THRB: variants seen among roughly 807,000 people sequenced by gnomAD.
THRB encodes the protein nuclear receptor subfamily 1 group A member 2.
THRB carries 12 observed loss-of-function variants against 47.8 expected under a neutral mutation model. That is an observed-to-expected ratio of 0.25 (90% CI 0.16 to 0.41). The LOEUF (loss-of-function observed/expected upper bound fraction) is 0.41, where lower values mean the gene tolerates loss of function less well. Among genes scored for constraint, THRB ranks in the 10% least tolerant of loss-of-function variants. The probability of loss-of-function intolerance (pLI) is 1.00; values close to 1 mark genes in which losing one functional copy is unlikely to be tolerated. For synonymous variants in THRB, 218 were observed against 212.2 expected (o/e 1.03, Z -0.24); for missense variants, 348 against 589.2 (o/e 0.59, Z 4.24).
Position 24,117,419 on chromosome 3 carries a change from C to T in THRB, c.*5465G>A, listed in dbSNP as rs929773423. 8 of 152,282 alleles carry T rather than the reference C, an allele frequency of 5.3e-5. No individual in the cohort carries two copies. The highest frequency in any genetic ancestry group is 1.7e-4 in the African/African-American group (7 of 41,458). The allele number at this position is 152,282 out of a possible 1,614,324, so 9.4% of individuals were successfully genotyped here. ...AGCTGACTGTCCCTCTTTCCCCTCACCCAGTTCCAGGATTCCTGAGGATAA... is the reference window on the plus strand; with the variant it reads ...AGCTGACTGTCCCTCTTTCCCCTCATCCAGTTCCAGGATTCCTGAGGATAA... On this transcript the variant is annotated 3_prime_UTR_variant, in exon 11 of 11. Coordinates refer to ENST00000646209, the MANE Select transcript of THRB (RefSeq NM_001354712.2).
At chr3:24,148,007 G>A (rs535643221) in intron 6 of THRB, among the ~76,000 whole-genome samples, 1 of 152,134 alleles carries the variant, frequency 6.6e-6, no homozygotes, top group Non-Finnish European at 1.5e-5. Flanking sequence ...AAATTTTACT[G>A]TATTACTTGA....
At chr3:24,338,099 A>AT (rs2062384563) in intron 1 of THRB, among the ~76,000 whole-genome samples, 1 of 152,200 alleles carries the variant, frequency 6.6e-6, no homozygotes, top group African/African-American at 2.4e-5. Context: ...TAACGTAGAA[A>AT]TTTTAGAAAA....
chr3:24,230,582 C>G (rs949897949), intron 3 of THRB, among the ~76,000 whole-genome samples: 34 of 152,146 alleles, frequency 2.2e-4, no homozygotes, highest in African/African-American at 6.5e-4. Context: ...GCACCAAGTT[C>G]TGAGCTGCTG....
At position 24,373,278 on chromosome 3, in the gene THRB, A is replaced by G. The variant is rs2065045151; in HGVS notation, c.-260-35907T>C. 2.0e-5 allele frequency among the ~76,000 whole-genome samples: 3 copies of G among 152,128 alleles called. No individual in the cohort carries two copies. In the South Asian group the frequency reaches 6.2e-4, roughly 31 times the overall value. Reference sequence around the variant, plus strand: ...GCTGCTCTTTTCTCACGATCTGGAGAGATAATGTATGTGCAAACACACTGA... The same window carrying G: ...GCTGCTCTTTTCTCACGATCTGGAGGGATAATGTATGTGCAAACACACTGA... On this transcript the variant is annotated intron_variant, in intron 1 of 10. Transcript: ENST00000646209.
chr3:24,408,409 T>C (rs1290944573), intron 1 of THRB, among the ~76,000 whole-genome samples: 2 of 151,856 alleles, frequency 1.3e-5, no homozygotes, highest in East Asian at 3.9e-4. Context: ...TATTGTACCA[T>C]TCTGCTGTTG....
chr3:24,319,604 G>T (rs959892844), intron 2 of THRB, among the ~76,000 whole-genome samples: 7 of 152,214 alleles, frequency 4.6e-5, no homozygotes, highest in African/African-American at 1.7e-4. Flanking sequence ...GCAAACTTCA[G>T]TGTTGCTGGA....
intron 2 of THRB, among the ~76,000 whole-genome samples, chr3:24,301,239 G>T (rs541337535): frequency 2.6e-5 from 4 of 152,246 alleles, no homozygotes; most frequent in African/African-American, 9.6e-5. Flanking sequence ...TATTCCTGTT[G>T]TTTTAAACCA....
rs760386761 is a variant in THRB, at chr3:24,121,551, C to T, written c.*1333G>A. 1.3e-5 allele frequency: 2 copies of T among 152,600 alleles called. No homozygotes were observed. The highest frequency in any genetic ancestry group is 1.3e-4 in the Admixed American group (2 of 15,274). The allele number at this position is 152,600 out of a possible 1,614,324, so 9.5% of individuals were successfully genotyped here. On this transcript the variant is annotated 3_prime_UTR_variant, in exon 11 of 11. Transcript: ENST00000646209. ...TCACTGTTTGTTTTCTGGGCACAAG[C>T]TATTCTAGCATGGGCCGTTGGGGAG...
chr3:24,245,514 A>G (rs2050022170), intron 3 of THRB, among the ~76,000 whole-genome samples: 2 of 152,188 alleles, frequency 1.3e-5, no homozygotes, highest in Admixed American at 1.3e-4. Flanking sequence ...TGAAAGGGAA[A>G]GAATAACAAA....
At chr3:24,440,103 G>A (rs553880745) in intron 1 of THRB, among the ~76,000 whole-genome samples, 97 of 152,134 alleles carry the variant, frequency 6.4e-4, no homozygotes, top group African/African-American at 2.1e-3. Flanking sequence ...ATATATATTC[G>A]CATGTGCTGT....
intron 1 of THRB, among the ~76,000 whole-genome samples, chr3:24,384,880 G>A (rs941954436): frequency 2.0e-5 from 3 of 152,102 alleles, no homozygotes; most frequent in Admixed American, 6.6e-5. Flanking sequence ...TAGCCTCCTG[G>A]GTTTTGGAAA....
intron 1 of THRB, among the ~76,000 whole-genome samples, chr3:24,414,066 A>G (rs1294860356): frequency 6.6e-6 from 1 of 151,910 alleles, no homozygotes; most frequent in Non-Finnish European, 1.5e-5. Context: ...AGATATATAG[A>G]GAGTAGCAAT....
intron 10 of THRB, among the ~76,000 whole-genome samples, chr3:24,126,976 T>C (rs1487162270): frequency 6.6e-6 from 1 of 152,234 alleles, no homozygotes; most frequent in African/African-American, 2.4e-5. Flanking sequence ...GAGGGAGGCC[T>C]GAACCAGTGT....
chr3:24,368,564 G>A (rs896157262), intron 1 of THRB, among the ~76,000 whole-genome samples: 1 of 152,198 alleles, frequency 6.6e-6, no homozygotes, highest in Non-Finnish European at 1.5e-5. Context: ...TCTTTTGGGT[G>A]CGACAACTAG....
rs186472072 is a variant in THRB at position 24,437,035 on chromosome 3, C to A, written c.-261+57617G>T. Reference sequence around the variant, plus strand: ...CAATCAAATGTGCATGGACCTGGCACTTTTCTCCATTATCATAAAAATGTG... The same window carrying A: ...CAATCAAATGTGCATGGACCTGGCAATTTTCTCCATTATCATAAAAATGTG... On this transcript the variant is annotated intron_variant, in intron 1 of 10. Coordinates refer to ENST00000646209, the MANE Select transcript of THRB (RefSeq NM_001354712.2). Among the ~76,000 whole-genome samples, 870 of 151,296 alleles carry A rather than the reference C, an allele frequency of 5.8e-3. 10 individuals are homozygous for A. Among genetic ancestry groups the A allele is most frequent in the African/African-American group, 0.02 (828 of 41,268 alleles).
At position 24,368,592 on chromosome 3, in the gene THRB, G is replaced by A. The variant is rs147162965; in HGVS notation, c.-260-31221C>T. On this transcript the variant is annotated intron_variant, in intron 1 of 10. Transcript: ENST00000646209. ...ACAACTAGCATCAGTTGAAATAACC[G>A]CAGAATAAAATGGTCTGTTTTTGCC... Among the ~76,000 whole-genome samples, 184 of 152,250 alleles carry A rather than the reference G, an allele frequency of 1.2e-3. 2 individuals are homozygous for A. The highest frequency in any genetic ancestry group is 6.8e-3 in the Middle Eastern group (2 of 294).
chr3:24,331,943 C>T (rs1471145709), intron 2 of THRB, among the ~76,000 whole-genome samples: 1 of 152,192 alleles, frequency 6.6e-6, no homozygotes, highest in Non-Finnish European at 1.5e-5. Context: ...CTTGACCATT[C>T]CTCTCCGTAC....
chr3:24,390,797 A>AAATATATAT lies in THRB; in HGVS notation c.-260-53427_-260-53426insATATATATT, dbSNP rs5847290. Among the ~76,000 whole-genome samples the AAATATATAT allele has an allele frequency of 2.6e-3, 353 of 137,840 alleles. 3 individuals are homozygous for AAATATATAT. Among genetic ancestry groups the AAATATATAT allele is most frequent in the African/African-American group, 8.9e-3 (329 of 37,038 alleles). 90.4% of individuals were successfully genotyped at this position (137,840 alleles called of 152,430 possible). A position where few individuals can be genotyped will look rare whatever the true frequency, so the allele number is the denominator to read the frequency against. On this transcript the variant is annotated intron_variant, in intron 1 of 10. Transcript: ENST00000646209. Reference sequence around the variant, plus strand: ...ATCTTTACTTTGTAAAAAAAAAAAAAATATATATATATATATAATATTATT... The same window carrying AAATATATAT: ...ATCTTTACTTTGTAAAAAAAAAAAAAAATATATATATATATATATATATATAATATTATT...
Position 24,202,877 on chromosome 3 carries a change from T to C in THRB, c.23-12543A>G, listed in dbSNP as rs77285469. Among the ~76,000 whole-genome samples, 543 of 152,302 alleles carry C rather than the reference T, an allele frequency of 3.6e-3. 2 individuals carry two copies. Among genetic ancestry groups the C allele is most frequent in the African/African-American group, 0.013 (531 of 41,552 alleles). ...TTGCTATCTTCTACAGGTGAGGCAA[T>C]TGGAGCCCACAGAGATAAAGCATTT... On this transcript the variant is annotated intron_variant, in intron 4 of 10. Coordinates refer to ENST00000646209, the MANE Select transcript of THRB (RefSeq NM_001354712.2).
Sources: allele counts gnomAD v4.1 joint callset (sites outside exome capture counted in the v4.1 genomes callset), GRCh38; gene constraint gnomAD v4.1.1; transcripts MANE v1.5; gene names NCBI Gene and HGNC (gene_info 2026-07-23, HGNC 2026-07-21).